Variants in CAMTA1 observed in about 807,000 individuals in gnomAD.
CAMTA1 encodes calmodulin binding transcription activator 1.
CAMTA1 carries 27 observed loss-of-function variants against 170.9 expected under a neutral mutation model. The observed-to-expected ratio is 0.16, with a 90% CI of 0.12 to 0.22. CAMTA1 has a LOEUF of 0.22. Among genes scored for constraint, CAMTA1 ranks in the 10% least tolerant of loss-of-function variants. The pLI, the probability that CAMTA1 is intolerant of heterozygous loss-of-function variation, is 1.00. For missense variants in CAMTA1, 1,619 were observed against 2,217.2 expected (o/e 0.73, Z 5.42); for synonymous variants, 833 against 891.5 (o/e 0.93, Z 1.17).
At chr1:7,751,719 GA>G (rs35029804) in intron 20 of CAMTA1, among the ~76,000 whole-genome samples, 121 of 144,916 alleles carry the variant, frequency 8.3e-4, no homozygotes, top group African/African-American at 2.2e-3. Flanking sequence ...TCCTGTTTAG[GA>G]AAAAAAAAAA....
At chr1:7,677,343 G>A (rs956069909) in intron 10 of CAMTA1, among the ~76,000 whole-genome samples, 8 of 152,274 alleles carry the variant, frequency 5.3e-5, no homozygotes, top group African/African-American at 1.9e-4. Context: ...GCCCTCACTC[G>A]GAGGACAAAG....
At chr1:7,141,080 G>A (rs1645861423) in intron 4 of CAMTA1, among the ~76,000 whole-genome samples, 1 of 152,132 alleles carries the variant, frequency 6.6e-6, no homozygotes, top group Non-Finnish European at 1.5e-5. Flanking sequence ...TCTTCAGCTG[G>A]ACTCGGCCCC....
At chr1:6,791,736 A>G (rs1032861233) in intron 1 of CAMTA1, among the ~76,000 whole-genome samples, 2 of 152,096 alleles carry the variant, frequency 1.3e-5, no homozygotes, top group African/African-American at 2.4e-5. Context: ...CATTCACTCT[A>G]TTTTCCAGAT....
intron 4 of CAMTA1, among the ~76,000 whole-genome samples, chr1:7,222,796 G>A (rs999675724): frequency 3.9e-5 from 6 of 152,236 alleles, no homozygotes; most frequent in Non-Finnish European, 8.8e-5. Context: ...AGGCCCACTT[G>A]GTCTCCAATC....
At position 7,736,330 on chromosome 1, in the gene CAMTA1, C is replaced by CT. The variant is rs2096772414; in HGVS notation, c.3067-8dup. Reference sequence around the variant, plus strand: ...TTTAGTCCTGAGGTCGTAACGTGCGCTTTTTTGTGACAGTGTGCTTCTGGG... The same window carrying CT: ...TTTAGTCCTGAGGTCGTAACGTGCGCTTTTTTTGTGACAGTGTGCTTCTGGG... On this transcript the variant is annotated splice_polypyrimidine_tract_variant and intron_variant, in intron 12 of 22. Coordinates refer to ENST00000303635, the MANE Select transcript of CAMTA1 (RefSeq NM_015215.4). The surrounding 1 kb of genome is among the most constrained non-coding windows in gnomAD (Gnocchi z 4.5). 6.2e-7 allele frequency: 1 copy of CT among 1,612,354 alleles called. No homozygotes were observed. The highest frequency in any genetic ancestry group is 1.3e-5 in the African/African-American group (1 of 74,876).
intron 5 of CAMTA1, among the ~76,000 whole-genome samples, chr1:7,273,454 G>A (rs1424590927): frequency 6.6e-6 from 1 of 152,212 alleles, no homozygotes; most frequent in Non-Finnish European, 1.5e-5. Flanking sequence ...GTTATTCTAA[G>A]TGAAAGAGGC....
At chr1:7,008,780 A>G (rs1353660553) in intron 3 of CAMTA1, 3 of 152,260 alleles carry the variant, frequency 2.0e-5, no homozygotes, top group African/African-American at 7.2e-5. Flanking sequence ...TAAGTGCAAA[A>G]TGAATGAACT....
At chr1:7,477,658 T>C (rs1190833870) in intron 6 of CAMTA1, among the ~76,000 whole-genome samples, 2 of 152,124 alleles carry the variant, frequency 1.3e-5, no homozygotes, top group East Asian at 3.9e-4. Flanking sequence ...TCTAGAAGAT[T>C]CCCTCTTCCC....
chr1:7,279,699 T>C (rs1283156048), intron 5 of CAMTA1, among the ~76,000 whole-genome samples: 1 of 152,164 alleles, frequency 6.6e-6, no homozygotes, highest in African/African-American at 2.4e-5. Flanking sequence ...TTTTTGGTAC[T>C]TCCAAAGCCC....
In CAMTA1 at chr1:7,736,641, C is replaced by A; in HGVS notation, c.3263+101C>A. 8.5e-7 allele frequency: 1 copy of A among 1,176,248 alleles called. No individual in the cohort carries two copies. Among genetic ancestry groups the A allele is most frequent in the Non-Finnish European group, 1.2e-6 (1 of 804,884 alleles). The allele number at this position is 1,176,248 out of a possible 1,614,324, so 72.9% of individuals were successfully genotyped here. On this transcript the variant is annotated intron_variant, in intron 13 of 22. Coordinates refer to ENST00000303635, the MANE Select transcript of CAMTA1 (RefSeq NM_015215.4). This position sits in a 1 kb window ranked among gnomAD's most constrained non-coding sequence, Gnocchi z 4.5. ...GTGGAAGAAATCTACCCATTCAGTC[C>A]ACTTTATAGCCGGCGAGCAAAGGGC... is the stretch of plus-strand genomic sequence containing the variant.
chr1:7,116,567 A>T (rs182479279), intron 4 of CAMTA1, among the ~76,000 whole-genome samples: 5 of 152,202 alleles, frequency 3.3e-5, no homozygotes, highest in Admixed American at 3.3e-4. Flanking sequence ...TTACAGCTGA[A>T]TCCACCCACT....
At chr1:7,112,951 C>T (rs1200959788) in intron 4 of CAMTA1, among the ~76,000 whole-genome samples, 2 of 152,198 alleles carry the variant, frequency 1.3e-5, no homozygotes, top group Admixed American at 6.5e-5. Flanking sequence ...TGCGTTGATG[C>T]ATTTTCTCAT....
intron 4 of CAMTA1, among the ~76,000 whole-genome samples, chr1:7,158,398 G>T (rs1647019783): frequency 6.6e-6 from 1 of 152,212 alleles, no homozygotes. Context: ...ACTTTCTTGA[G>T]TGAGTACAAT....
chr1:7,712,917 G>A (rs143119976), intron 11 of CAMTA1, among the ~76,000 whole-genome samples: 8 of 152,122 alleles, frequency 5.3e-5, no homozygotes, highest in Non-Finnish European at 1.0e-4. Flanking sequence ...GATCTCATGA[G>A]TCTTATTCAC....
intron 5 of CAMTA1, among the ~76,000 whole-genome samples, chr1:7,439,854 C>G (rs1483591383): frequency 6.6e-6 from 1 of 152,228 alleles, no homozygotes; most frequent in African/African-American, 2.4e-5. Context: ...GTCCAAGGTG[C>G]GGAGTGTCGG....
chr1:7,072,699 C>T (rs1432769587), intron 3 of CAMTA1, among the ~76,000 whole-genome samples: 1 of 152,196 alleles, frequency 6.6e-6, no homozygotes, highest in Non-Finnish European at 1.5e-5. Context: ...AGGCCTTACC[C>T]AGAAGGGACC....
intron 5 of CAMTA1, among the ~76,000 whole-genome samples, chr1:7,324,379 A>G (rs1477075498): frequency 6.6e-6 from 1 of 151,946 alleles, no homozygotes; most frequent in East Asian, 1.9e-4. Context: ...TTTAAATAGC[A>G]TATATAAAGA....
intron 6 of CAMTA1, among the ~76,000 whole-genome samples, chr1:7,621,881 G>A (rs948179501): frequency 6.6e-6 from 1 of 152,162 alleles, no homozygotes; most frequent in Admixed American, 6.5e-5. Context: ...AGCTCAGCTC[G>A]GCCACGTCTC....
intron 5 of CAMTA1, among the ~76,000 whole-genome samples, chr1:7,436,991 G>A (rs2092369354): frequency 6.6e-6 from 1 of 152,138 alleles, no homozygotes. Flanking sequence ...ATTGCAGGAG[G>A]ATCTAAGTCC....
Sources: gnomAD v4.1 joint callset for allele counts (sites outside exome capture counted in the v4.1 genomes callset) on GRCh38, gnomAD v4.1.1 for gene constraint, Gnocchi (gnomAD v3.1) non-coding constraint, MANE v1.5 for transcripts, NCBI Gene and HGNC (gene_info 2026-07-23, HGNC 2026-07-21) for gene names.